Variants in E2F7 observed in about 807,000 individuals in gnomAD.
The protein encoded by E2F7 is transcription factor E2F7.
A neutral mutation model predicts 81.1 loss-of-function variants in E2F7; 35 were observed. The ratio of observed to expected loss-of-function variants is 0.43; its 90% confidence interval spans 0.33 to 0.57. The LOEUF (loss-of-function observed/expected upper bound fraction) is 0.57, where lower values mean the gene tolerates loss of function less well. Ranked by LOEUF, E2F7 falls within the 20% of genes least tolerant of loss-of-function variation. The pLI, the probability that E2F7 is intolerant of heterozygous loss-of-function variation, is 0.04. For synonymous variants in E2F7, 416 were observed against 416.2 expected, an observed-to-expected ratio of 1.00 and a Z score of 0.01; for missense variants, 961 against 1,093.7, an observed-to-expected ratio of 0.88 and a Z score of 1.71.
chr12:77,059,519 G>A (rs978786391), intron 2 of E2F7, among the ~76,000 whole-genome samples: 3 of 152,194 alleles, frequency 2.0e-5, no homozygotes, highest in African/African-American at 7.2e-5. Flanking sequence ...GCTGTGGAGT[G>A]GATGCTGGGA....
intron 2 of E2F7, among the ~76,000 whole-genome samples, 194 bp from the exon 3 acceptor site, chr12:77,056,324 T>C (rs1362572526): frequency 2.0e-5 from 3 of 152,220 alleles, no homozygotes; most frequent in Admixed American, 2.0e-4. Flanking sequence ...AAGTAGATTA[T>C]ACTCTGCTAC....
intron 2 of E2F7, among the ~76,000 whole-genome samples, chr12:77,057,793 G>A (rs981277870): frequency 1.3e-5 from 2 of 152,162 alleles, no homozygotes; most frequent in Non-Finnish European, 2.9e-5. Flanking sequence ...GAAAGATTCT[G>A]CTCTTTCTGT....
At position 77,046,253 on chromosome 12, in the gene E2F7, T is replaced by C. The variant is rs768030905; in HGVS notation, c.614A>G (p.Asn205Ser). 1.2e-6 allele frequency: 2 copies of C among 1,614,208 alleles called. No individual in the cohort carries two copies. The highest frequency in any genetic ancestry group is 3.3e-5 in the Admixed American group (2 of 60,008). The change falls in exon 5 of 13, where the codon AAT becomes AGT. Residue 205 changes from asparagine (N) to serine (S), a missense_variant. This residue lies in a region of E2F7 where 301 missense variants were observed against 405.0 expected (regional missense o/e 0.74). Transcript: ENST00000322886. Reference protein sequence around the residue: ...SLHLVSRVAKNQYGWHGRHSL... With the variant: ...SLHLVSRVAKSQYGWHGRHSL... ...GTGCCGTCCATGCCAGCCATACTGA[T>C]TCTTAGCCACCCGGCTGACCAGATG... is the stretch of plus-strand genomic sequence containing the variant.
intron 7 of E2F7, among the ~76,000 whole-genome samples, chr12:77,036,765 A>T (rs1176528664): frequency 2.0e-5 from 3 of 148,864 alleles, no homozygotes; most frequent in Non-Finnish European, 4.5e-5. Flanking sequence ...TTTTTGAGAC[A>T]GAGTCTCGCT....
chr12:77,033,742 C>T, intron 8 of E2F7, 115 bp downstream of exon 8: 2 of 1,101,366 alleles, frequency 1.8e-6, no homozygotes, highest in Non-Finnish European at 2.5e-6. Context: ...CTGGAAAAAA[C>T]AGCCAGGGCT....
intron 2 of E2F7, among the ~76,000 whole-genome samples, chr12:77,059,148 T>A (rs1955058522): frequency 2.0e-5 from 3 of 152,200 alleles, no homozygotes; most frequent in Admixed American, 2.0e-4. Context: ...ATATTTTCAC[T>A]GTAGTTTACT....
chr12:77,051,018 A>G (rs1205516002), intron 3 of E2F7, among the ~76,000 whole-genome samples: 4 of 152,172 alleles, frequency 2.6e-5, no homozygotes, highest in Non-Finnish European at 4.4e-5. Context: ...GCTACAGTCT[A>G]GCTACTAGTG....
chr12:77,024,211 G>C (rs373342281), intron 12 of E2F7, 26 bp from the exon 13 acceptor site: 324 of 1,606,782 alleles, frequency 2.0e-4, no homozygotes, highest in Non-Finnish European at 2.6e-4. Context: ...AGAAAAAACA[G>C]AAGTGAAGTC....
Position 77,050,734 on chromosome 12 carries a change from A to G in E2F7, c.380T>C (p.Val127Ala), listed in dbSNP as rs763032704. 13 of 1,613,334 alleles carry G rather than the reference A, an allele frequency of 8.1e-6. No homozygotes were observed. The South Asian group carries it at 1.4e-4, about 18-fold the overall frequency. Residue 127 changes from valine to alanine, a missense_variant, in exon 4 of 13, where the codon GTT becomes GCT. Coordinates refer to ENST00000322886, the MANE Select transcript of E2F7 (RefSeq NM_203394.3). Reference protein sequence around the residue: ...AFTDSLQLDVVGDSAVDEFEK... With the variant: ...AFTDSLQLDVAGDSAVDEFEK... ...AAATTCGTCCACAGCACTGTCCCCA[A>G]CAACATCAAGCTACAGAGGGCAGAT...
chr12:77,053,381 G>C (rs1004553902), intron 3 of E2F7, among the ~76,000 whole-genome samples: 3 of 152,154 alleles, frequency 2.0e-5, no homozygotes, highest in African/African-American at 7.2e-5. Flanking sequence ...ACTGATTCTT[G>C]TGCTTGCCTT....
At chr12:77,054,069 A>G (rs141277133) in intron 3 of E2F7, among the ~76,000 whole-genome samples, 12 of 152,280 alleles carry the variant, frequency 7.9e-5, no homozygotes, top group Non-Finnish European at 1.6e-4. Flanking sequence ...ACCAGGGCCT[A>G]CTTGAGGGTA....
chr12:77,061,935 C>T (rs1955081880), intron 2 of E2F7, among the ~76,000 whole-genome samples: 1 of 152,230 alleles, frequency 6.6e-6, no homozygotes, highest in African/African-American at 2.4e-5. Context: ...CCCAAATGTT[C>T]CTTCCTCTGT....
chr12:77,046,859 C>A (rs934985636), intron 4 of E2F7, among the ~76,000 whole-genome samples: 9 of 152,176 alleles, frequency 5.9e-5, no homozygotes, highest in African/African-American at 2.2e-4. Context: ...CTCAATGGAC[C>A]AGTAAGGAAA....
chr12:77,029,515 A>G (rs1294324904), intron 10 of E2F7, among the ~76,000 whole-genome samples: 1 of 152,240 alleles, frequency 6.6e-6, no homozygotes, highest in Non-Finnish European at 1.5e-5. Context: ...GTTTTAAAAA[A>G]AGGATGTAAA....
chr12:77,037,314 G>C (rs1371640112), intron 7 of E2F7, among the ~76,000 whole-genome samples: 2 of 152,180 alleles, frequency 1.3e-5, no homozygotes, highest in African/African-American at 4.8e-5. Context: ...CTGTGGGCCA[G>C]GCATAGTAGT....
intron 11 of E2F7, 74 bp from the exon 12 acceptor site, chr12:77,026,056 T>C: frequency 1.4e-6 from 2 of 1,464,030 alleles, no homozygotes; most frequent in Non-Finnish European, 1.8e-6. Context: ...ACATTTGTCA[T>C]GGCCCTTTCA....
intron 7 of E2F7, 100 bp downstream of exon 7, chr12:77,042,965 G>T: frequency 6.4e-7 from 1 of 1,555,954 alleles, no homozygotes; most frequent in Non-Finnish European, 8.8e-7. Context: ...TATGTGACAT[G>T]GGAAAAAGAT....
chr12:77,035,533 A>C (rs1454886455), intron 7 of E2F7, among the ~76,000 whole-genome samples: 1 of 152,208 alleles, frequency 6.6e-6, no homozygotes, highest in Non-Finnish European at 1.5e-5. Context: ...CGTACTAAAG[A>C]CTAAAAGCTG....
At chr12:77,031,790 C>A (rs533977392) in intron 9 of E2F7, among the ~76,000 whole-genome samples, 1 of 152,166 alleles carries the variant, frequency 6.6e-6, no homozygotes, top group Non-Finnish European at 1.5e-5. Flanking sequence ...CTGCCTACTG[C>A]GCTGCTGAGA....
Sources: allele counts gnomAD v4.1 joint callset (sites outside exome capture counted in the v4.1 genomes callset), GRCh38; gene constraint gnomAD v4.1.1; regional missense constraint gnomAD v4.1.1; transcripts MANE v1.5; gene names NCBI Gene and HGNC (gene_info 2026-07-23, HGNC 2026-07-21).